ELMO1: variants seen among roughly 807,000 people sequenced by gnomAD.
The protein encoded by ELMO1 is engulfment and cell motility 1.
Under a neutral mutation model 98.9 loss-of-function variants are expected in ELMO1, and 26 were observed. The observed-to-expected ratio is 0.26, with a 90% CI of 0.19 to 0.36. ELMO1 has a LOEUF of 0.36. Among genes scored for constraint, ELMO1 ranks in the 10% least tolerant of loss-of-function variants. ELMO1 has a pLI of 1.00. For missense variants in ELMO1, 627 were observed against 935.2 expected (o/e 0.67, Z 4.30); for synonymous variants, 346 against 346.0 (o/e 1.00, Z 0.00).
chr7:37,390,756 C>T (rs545422136), intron 1 of ELMO1, among the ~76,000 whole-genome samples: 2 of 152,310 alleles, frequency 1.3e-5, no homozygotes, highest in African/African-American at 4.8e-5. Context: ...TACCACCCCC[C>T]AGCCCCCATG....
intron 13 of ELMO1, among the ~76,000 whole-genome samples, chr7:37,198,724 T>C (rs1422166377): frequency 1.3e-5 from 2 of 152,240 alleles, no homozygotes; most frequent in African/African-American, 4.8e-5. Flanking sequence ...ATGGTGCCCT[T>C]TTGCTCCAAA....
At chr7:37,130,417 G>A (rs1228832015) in intron 14 of ELMO1, among the ~76,000 whole-genome samples, 2 of 152,180 alleles carry the variant, frequency 1.3e-5, no homozygotes, top group African/African-American at 2.4e-5. Context: ...GGCAGGTGGA[G>A]GAGAAACCTG....
chr7:37,428,523 G>A (rs1804802763), intron 1 of ELMO1, among the ~76,000 whole-genome samples: 1 of 152,090 alleles, frequency 6.6e-6, no homozygotes, highest in African/African-American at 2.4e-5. Flanking sequence ...CCAGAACCTT[G>A]GAATGACATT....
At chr7:37,429,306 T>C (rs923499096) in intron 1 of ELMO1, 3 of 152,252 alleles carry the variant, frequency 2.0e-5, no homozygotes, top group Non-Finnish European at 4.4e-5. Flanking sequence ...TGATTCCACA[T>C]CCATTCCGGG....
intron 1 of ELMO1, among the ~76,000 whole-genome samples, chr7:37,416,905 T>C (rs986205009): frequency 6.6e-6 from 1 of 152,238 alleles, no homozygotes; most frequent in African/African-American, 2.4e-5. Context: ...ACCTGTCCTA[T>C]CAACAGTGTT....
At chr7:37,221,511 T>C (rs1793593709) in intron 10 of ELMO1, among the ~76,000 whole-genome samples, 1 of 152,050 alleles carries the variant, frequency 6.6e-6, no homozygotes, top group Non-Finnish European at 1.5e-5. Context: ...ACATGACATG[T>C]TGATTGAAAA....
At chr7:36,989,642 T>A (rs1025919960) in intron 16 of ELMO1, among the ~76,000 whole-genome samples, 1 of 152,226 alleles carries the variant, frequency 6.6e-6, no homozygotes, top group Admixed American at 6.5e-5. Context: ...AGTAAGATCA[T>A]CTTTCTTTTG....
intron 13 of ELMO1, among the ~76,000 whole-genome samples, chr7:37,167,335 T>C (rs983102809): frequency 3.3e-5 from 5 of 152,224 alleles, no homozygotes; most frequent in Admixed American, 2.6e-4. Flanking sequence ...TTCGTCCATT[T>C]ACATTTAAAG....
intron 16 of ELMO1, among the ~76,000 whole-genome samples, chr7:36,955,690 C>T (rs117684221): frequency 6.6e-6 from 1 of 152,316 alleles, no homozygotes; most frequent in Non-Finnish European, 1.5e-5. Context: ...TCACTTCTTG[C>T]TGTCCCTTGC....
chr7:37,138,307 A>AG lies in ELMO1; in HGVS notation c.1087-5074_1087-5073insC, dbSNP rs200222679. ...TGGTTCTTTGAAAAGATAAAAAAAA[A>AG]AAGAAGATAGACCATTAGTGAGATT... On this transcript the variant is annotated intron_variant, in intron 13 of 21. Coordinates refer to ENST00000310758, the MANE Select transcript of ELMO1 (RefSeq NM_014800.11). 6.5e-3 allele frequency among the ~76,000 whole-genome samples: 988 copies of AG among 151,848 alleles called. 12 individuals carry two copies. Among genetic ancestry groups the AG allele is most frequent in the African/African-American group, 0.023 (941 of 41,486 alleles).
rs76856308 is a variant in ELMO1, at chr7:37,309,897, C to T, written c.192+4953G>A. ...ATCCTTTCTGGAGACTGGGATTACC[C>T]TGCTTACTTACAGCTGGATCTACCA... On this transcript the variant is annotated intron_variant, in intron 4 of 21. Coordinates refer to ENST00000310758, the MANE Select transcript of ELMO1 (RefSeq NM_014800.11). Among the ~76,000 whole-genome samples, 443 of 152,334 alleles carry T rather than the reference C, an allele frequency of 2.9e-3. 3 individuals carry two copies. Among genetic ancestry groups the T allele is most frequent in the Non-Finnish European group, 4.7e-3 (317 of 68,030 alleles).
chr7:37,096,404 C>A (rs1784365890), intron 15 of ELMO1, among the ~76,000 whole-genome samples: 3 of 152,130 alleles, frequency 2.0e-5, no homozygotes, highest in Admixed American at 2.0e-4. Flanking sequence ...CTGCAAATTT[C>A]TCCATTCCCA....
chr7:36,980,456 T>A (rs1790952679), intron 16 of ELMO1, among the ~76,000 whole-genome samples: 1 of 152,168 alleles, frequency 6.6e-6, no homozygotes, highest in Non-Finnish European at 1.5e-5. Context: ...ACATAGGAAG[T>A]CACCAAGTCT....
rs566097326 is a variant in ELMO1, at chr7:37,077,466, A to G, written c.1300+19153T>C. 3.9e-5 allele frequency among the ~76,000 whole-genome samples: 6 copies of G among 152,296 alleles called. No homozygotes were observed. In the South Asian group the frequency reaches 1.2e-3, roughly 32 times the overall value. ...AAGTTTGGGCTTCAGCCTAAGAGGA[A>G]TCATGGCCCAATGGGAGTTTTAGAC... On this transcript the variant is annotated intron_variant, in intron 15 of 21. Coordinates refer to ENST00000310758, the MANE Select transcript of ELMO1 (RefSeq NM_014800.11).
chr7:37,286,460 T>G (rs944905782), intron 4 of ELMO1, among the ~76,000 whole-genome samples: 1 of 152,236 alleles, frequency 6.6e-6, no homozygotes, highest in Non-Finnish European at 1.5e-5. Flanking sequence ...AGACAACGTC[T>G]TGGGGCCTCC....
chr7:37,288,016 A>G (rs1198446545), intron 4 of ELMO1, among the ~76,000 whole-genome samples: 1 of 152,086 alleles, frequency 6.6e-6, no homozygotes, highest in Admixed American at 6.5e-5. Context: ...GCTGGAGTGC[A>G]GTGGTGCGAT....
intron 13 of ELMO1, among the ~76,000 whole-genome samples, chr7:37,134,403 C>CA (rs1787125704): frequency 6.6e-6 from 1 of 151,688 alleles, no homozygotes; most frequent in Admixed American, 6.6e-5. Context: ...ACTAAAGATA[C>CA]AAAAAATTAG....
chr7:36,899,022 G>C, intron 16 of ELMO1, among the ~76,000 whole-genome samples: 1 of 152,190 alleles, frequency 6.6e-6, no homozygotes, highest in Non-Finnish European at 1.5e-5. Flanking sequence ...CTGAGGTGCA[G>C]GGGAGGGGCC....
chr7:37,198,504 G>T (rs1792100762), intron 13 of ELMO1, among the ~76,000 whole-genome samples: 1 of 152,194 alleles, frequency 6.6e-6, no homozygotes, highest in East Asian at 1.9e-4. Context: ...ACTCACTAAT[G>T]AGGCAAGAAA....
Sources: allele counts gnomAD v4.1 joint callset (sites outside exome capture counted in the v4.1 genomes callset), GRCh38; gene constraint gnomAD v4.1.1; transcripts MANE v1.5; gene names NCBI Gene and HGNC (gene_info 2026-07-23, HGNC 2026-07-21).